Variants in NLGN1 observed in about 807,000 individuals in gnomAD.
NLGN1 encodes neuroligin-1.
In NLGN1, 12 loss-of-function variants were observed where a neutral mutation model predicts 65.5. That is an observed-to-expected ratio of 0.18 (90% confidence interval 0.12 to 0.30). The LOEUF is 0.30. Among genes scored for constraint, NLGN1 ranks in the 10% least tolerant of loss-of-function variants. NLGN1 has a pLI of 1.00. For synonymous variants in NLGN1, 350 were observed against 359.5 expected (o/e 0.97, Z 0.30); for missense variants, 750 against 1,007.1 (o/e 0.74, Z 3.46).
In NLGN1 at chr3:174,195,472, A is replaced by G. The variant is rs1357551353; in HGVS notation, c.647-79843A>G. 2.0e-5 allele frequency among the ~76,000 whole-genome samples: 3 copies of G among 152,350 alleles called. No homozygotes were observed. The East Asian group carries it at 5.8e-4, about 29-fold the overall frequency. On this transcript the variant is annotated intron_variant, in intron 4 of 6. Coordinates refer to ENST00000457714, the Ensembl canonical transcript of NLGN1. ...ACTCAAAGAGACGATCTGAAAAAAC[A>G]GACTAATAAACCAGAAAAATAATTA...
chr3:174,023,052 C>T (rs947305851), intron 4 of NLGN1, among the ~76,000 whole-genome samples: 5 of 151,852 alleles, frequency 3.3e-5, no homozygotes, highest in East Asian at 1.9e-4. Context: ...TTAGCAGAGG[C>T]GATAGCATTC....
intron 4 of NLGN1, among the ~76,000 whole-genome samples, chr3:173,811,277 G>C (rs1717854359): frequency 1.3e-5 from 2 of 152,114 alleles, no homozygotes; most frequent in South Asian, 4.1e-4. Flanking sequence ...AATGTAGGGA[G>C]AAATGGCCAG....
chr3:173,593,219 C>T (rs1489005678), intron 2 of NLGN1, among the ~76,000 whole-genome samples: 1 of 152,032 alleles, frequency 6.6e-6, no homozygotes, highest in Non-Finnish European at 1.5e-5. Context: ...GAACTTCAGT[C>T]TTTTTAAAAC....
intron 3 of NLGN1, among the ~76,000 whole-genome samples, chr3:173,608,909 A>G (rs944079861): frequency 6.6e-6 from 1 of 151,978 alleles, no homozygotes; most frequent in South Asian, 2.1e-4. Flanking sequence ...CATTTAGTGA[A>G]TACTTTAAAC....
chr3:174,278,930 C>A lies in NLGN1; in HGVS notation c.929C>A (p.Ala310Glu), dbSNP rs749502013. 4.0e-5 allele frequency: 61 copies of A among 1,519,710 alleles called. No homozygotes were observed. Among genetic ancestry groups the A allele is most frequent in the Non-Finnish European group, 6.2e-6 (7 of 1,135,786 alleles). 94.1% of individuals were successfully genotyped at this position (1,519,710 alleles called of 1,614,324 possible). A position where few individuals can be genotyped will look rare whatever the true frequency, so the allele number is the denominator to read the frequency against. ...AGCTGGGCTGTTAGTTTTCAACCTG[C>A]AAAATATGCTAGAATGTTGGCCACA... Residue 310 changes from alanine to glutamate, a missense_variant, in exon 6 of 7, where the codon GCA becomes GAA. Coordinates refer to ENST00000457714, the Ensembl canonical transcript of NLGN1.
At chr3:173,774,066 A>G (rs1779958166) in intron 3 of NLGN1, among the ~76,000 whole-genome samples, 2 of 152,236 alleles carry the variant, frequency 1.3e-5, no homozygotes, top group South Asian at 4.1e-4. Flanking sequence ...ATGCATTCAA[A>G]TAGCAGGGCA....
At chr3:173,475,628 T>C (rs527934575) in intron 2 of NLGN1, among the ~76,000 whole-genome samples, 3 of 152,330 alleles carry the variant, frequency 2.0e-5, no homozygotes, top group Middle Eastern at 3.4e-3. Context: ...CAGATCCTTA[T>C]ATGATGACTG....
chr3:173,417,794 A>G (rs1714093899), intron 1 of NLGN1, among the ~76,000 whole-genome samples: 1 of 152,000 alleles, frequency 6.6e-6, no homozygotes, highest in Non-Finnish European at 1.5e-5. Context: ...AATGCACAAT[A>G]TGAAATATTA....
chr3:173,869,178 G>C (rs1174215514), intron 4 of NLGN1, among the ~76,000 whole-genome samples: 1 of 152,094 alleles, frequency 6.6e-6, no homozygotes, highest in Admixed American at 6.5e-5. Context: ...ATGGCAAATA[G>C]CATTAAATCC....
chr3:174,169,820 A>G (rs560429553), intron 4 of NLGN1, among the ~76,000 whole-genome samples: 9 of 152,224 alleles, frequency 5.9e-5, no homozygotes, highest in African/African-American at 1.9e-4. Flanking sequence ...GGAGAGCACA[A>G]TTCCAGTGCC....
intron 2 of NLGN1, among the ~76,000 whole-genome samples, chr3:173,519,890 T>C (rs1734474671): frequency 6.6e-6 from 1 of 152,132 alleles, no homozygotes. Context: ...TGGGATGATA[T>C]GATTTGTATC....
intron 4 of NLGN1, among the ~76,000 whole-genome samples, chr3:173,921,691 CTT>C (rs1742049867): frequency 6.6e-6 from 1 of 152,064 alleles, no homozygotes. Flanking sequence ...AGTGTTAAAA[CTT>C]GAAATGAGCT....
intron 4 of NLGN1, among the ~76,000 whole-genome samples, chr3:174,023,487 A>T (rs746772552): frequency 9.9e-5 from 15 of 152,166 alleles, no homozygotes; most frequent in Non-Finnish European, 2.1e-4. Context: ...GTAGAAAGGC[A>T]TAGAAAGCGT....
At chr3:174,160,711 AT>A (rs1726327607) in intron 4 of NLGN1, among the ~76,000 whole-genome samples, 1 of 151,012 alleles carries the variant, frequency 6.6e-6, no homozygotes, top group African/African-American at 2.4e-5. Context: ...TATATTTTCT[AT>A]TATAATAGTT....
intron 4 of NLGN1, among the ~76,000 whole-genome samples, chr3:173,814,810 A>C (rs537555967): frequency 1.3e-5 from 2 of 152,306 alleles, no homozygotes; most frequent in South Asian, 4.1e-4. Context: ...AAAATAAATA[A>C]TTAAACAAAT....
chr3:174,200,380 T>C (rs1245879551), intron 4 of NLGN1, among the ~76,000 whole-genome samples: 1 of 152,218 alleles, frequency 6.6e-6, no homozygotes, highest in Admixed American at 6.5e-5. Flanking sequence ...ACCCAAAGCT[T>C]GAGTCTTCAC....
chr3:173,666,398 A>G (rs1297671147), intron 3 of NLGN1, among the ~76,000 whole-genome samples: 1 of 152,154 alleles, frequency 6.6e-6, no homozygotes, highest in Non-Finnish European at 1.5e-5. Context: ...GTCATTTTAT[A>G]TGCAATTTAT....
chr3:174,145,063 T>C (rs543202472), intron 4 of NLGN1, among the ~76,000 whole-genome samples: 2 of 152,306 alleles, frequency 1.3e-5, no homozygotes, highest in South Asian at 2.1e-4. Flanking sequence ...TTAATTCATC[T>C]TGAGTTAATT....
At chr3:173,539,736 A>T (rs921218903) in intron 2 of NLGN1, among the ~76,000 whole-genome samples, 2 of 141,974 alleles carry the variant, frequency 1.4e-5, no homozygotes, top group Non-Finnish European at 1.5e-5. Flanking sequence ...ACATATATAC[A>T]TATATGTACA....
Sources: allele counts gnomAD v4.1 joint callset (sites outside exome capture counted in the v4.1 genomes callset), GRCh38; gene constraint gnomAD v4.1.1; transcripts MANE v1.5; gene names NCBI Gene and HGNC (gene_info 2026-07-23, HGNC 2026-07-21).